Variants in BMP6 observed in about 807,000 individuals in gnomAD.
BMP6 encodes the protein bone morphogenetic protein 6.
A neutral mutation model predicts 54.1 loss-of-function variants in BMP6; 17 were observed. The ratio of observed to expected loss-of-function variants is 0.31; its 90% CI spans 0.22 to 0.47. BMP6 has a LOEUF of 0.47. Ranked by LOEUF, BMP6 falls within the 20% of genes least tolerant of loss-of-function variation. BMP6 has a pLI of 1.00. For synonymous variants in BMP6, 328 were observed against 291.2 expected, an observed-to-expected ratio of 1.13 and a Z score of -1.28; for missense variants, 720 against 690.4, an observed-to-expected ratio of 1.04 and a Z score of -0.48.
intron 1 of BMP6, among the ~76,000 whole-genome samples, chr6:7,749,592 G>A (rs1378945743): frequency 6.6e-6 from 1 of 152,116 alleles, no homozygotes; most frequent in Non-Finnish European, 1.5e-5. Flanking sequence ...TATCTCTATG[G>A]TCATGCCTTT....
chr6:7,768,961 G>A (rs1037002346), intron 1 of BMP6, among the ~76,000 whole-genome samples: 2 of 152,094 alleles, frequency 1.3e-5, no homozygotes, highest in Non-Finnish European at 2.9e-5. Flanking sequence ...ACCAATTGCT[G>A]TTACTTCCAG....
chr6:7,813,586 T>G (rs1323050347), intron 1 of BMP6, among the ~76,000 whole-genome samples: 5 of 130,228 alleles, frequency 3.8e-5, no homozygotes, highest in Non-Finnish European at 6.1e-5. Context: ...AAGGGTCCAG[T>G]GAGCTGTGAT....
At chr6:7,835,146 G>A (rs977686433) in intron 1 of BMP6, among the ~76,000 whole-genome samples, 3 of 149,856 alleles carry the variant, frequency 2.0e-5, no homozygotes, top group Non-Finnish European at 3.0e-5. Context: ...TTTTTGAGAC[G>A]GAGTCTTGCT....
chr6:7,878,293 T>C (rs1409531974), intron 4 of BMP6, among the ~76,000 whole-genome samples: 1 of 152,226 alleles, frequency 6.6e-6, no homozygotes, highest in Non-Finnish European at 1.5e-5. Context: ...TTACCGTCTA[T>C]TGGCCGTGGT....
In BMP6 at chr6:7,789,536, C is replaced by T. The variant is rs114308059; in HGVS notation, c.665-55604C>T. ...GGAAAGAAGAATGAGACCCATGAGA[C>T]GGTAATTCACATGAATCATTGATGT... On this transcript the variant is annotated intron_variant, in intron 1 of 6. Coordinates refer to ENST00000283147, the MANE Select transcript of BMP6 (RefSeq NM_001718.6). Among the ~76,000 whole-genome samples, 200 of 152,164 alleles carry T rather than the reference C, an allele frequency of 1.3e-3. 3 individuals carry two copies. Among genetic ancestry groups the T allele is most frequent in the African/African-American group, 4.5e-3 (186 of 41,530 alleles).
intron 1 of BMP6, among the ~76,000 whole-genome samples, chr6:7,810,949 C>T (rs1758427127): frequency 6.6e-6 from 1 of 152,186 alleles, no homozygotes. Flanking sequence ...CACAGCCATA[C>T]TTTGAAGCCT....
chr6:7,842,074 T>C (rs267191), intron 1 of BMP6, among the ~76,000 whole-genome samples: 79,482 of 151,942 alleles, frequency 0.52, 21,506 homozygotes, highest in East Asian at 0.77. Context: ...GACTTCCCTT[T>C]TCTCTCCTCC....
chr6:7,798,354 C>A (rs1341342854), intron 1 of BMP6, among the ~76,000 whole-genome samples: 2 of 152,204 alleles, frequency 1.3e-5, no homozygotes, highest in Non-Finnish European at 2.9e-5. Context: ...GGACCACTTT[C>A]CTCACCTTAC....
intron 1 of BMP6, among the ~76,000 whole-genome samples, chr6:7,795,530 A>G (rs1219121853): frequency 1.3e-5 from 2 of 152,202 alleles, no homozygotes; most frequent in African/African-American, 4.8e-5. Context: ...TTTGTCATGA[A>G]GCCACTTAGA....
intron 1 of BMP6, among the ~76,000 whole-genome samples, chr6:7,822,827 C>T (rs1474633290): frequency 6.6e-6 from 1 of 151,696 alleles, no homozygotes; most frequent in African/African-American, 2.4e-5. Context: ...GATCTTAAGC[C>T]ATAGCAACTA....
intron 3 of BMP6, among the ~76,000 whole-genome samples, chr6:7,862,033 C>T (rs770741642): frequency 3.9e-5 from 6 of 152,208 alleles, no homozygotes; most frequent in Non-Finnish European, 7.3e-5. Flanking sequence ...AGGGTAACTG[C>T]AGATTCATAA....
In BMP6 at chr6:7,881,416, TCTA is replaced by T. The variant is rs543264791; in HGVS notation, c.*1075_*1077del. 5.3e-4 allele frequency: 81 copies of T among 152,780 alleles called. No homozygotes were observed. Among genetic ancestry groups the T allele is most frequent in the African/African-American group, 1.6e-3 (68 of 41,568 alleles). 9.5% of individuals were successfully genotyped at this position (152,780 alleles called of 1,614,324 possible). A position where few individuals can be genotyped will look rare whatever the true frequency, so the allele number is the denominator to read the frequency against. On this transcript the variant is annotated 3_prime_UTR_variant, in exon 7 of 7. Coordinates refer to ENST00000283147, the MANE Select transcript of BMP6 (RefSeq NM_001718.6). The stretch of plus-strand genomic sequence containing the variant: ...AACTGATTAAATAATACATTTATAA[TCTA>T]CAACTGTTTGCACTTACAGCTTTTT...
chr6:7,820,791 A>AT (rs1322540324), intron 1 of BMP6, among the ~76,000 whole-genome samples: 2 of 152,048 alleles, frequency 1.3e-5, no homozygotes, highest in East Asian at 3.9e-4. Context: ...GTAGAAGATC[A>AT]TTTTTCCATG....
At chr6:7,735,825 AATG>A (rs1761946716) in intron 1 of BMP6, among the ~76,000 whole-genome samples, 1 of 152,192 alleles carries the variant, frequency 6.6e-6, no homozygotes, top group Non-Finnish European at 1.5e-5. Flanking sequence ...ACAAATGTGT[AATG>A]ATGTTATCCA....
intron 2 of BMP6, among the ~76,000 whole-genome samples, chr6:7,859,523 G>T (rs1183832871): frequency 6.6e-6 from 1 of 151,934 alleles, no homozygotes; most frequent in Non-Finnish European, 1.5e-5. Context: ...TCTGGGACCG[G>T]GGCTACTTTC....
intron 1 of BMP6, among the ~76,000 whole-genome samples, chr6:7,836,558 G>T (rs190519848): frequency 6.6e-6 from 1 of 152,126 alleles, no homozygotes; most frequent in African/African-American, 2.4e-5. Flanking sequence ...ATGTTACTAT[G>T]GGGGGAAGCT....
At chr6:7,806,300 C>A (rs370536401) in intron 1 of BMP6, among the ~76,000 whole-genome samples, 1 of 152,214 alleles carries the variant, frequency 6.6e-6, no homozygotes, top group South Asian at 2.1e-4. Flanking sequence ...GTACCTATTG[C>A]TTCTACATGT....
rs535363781 is a variant in BMP6 at position 7,794,018 on chromosome 6, T to C, written c.665-51122T>C. On this transcript the variant is annotated intron_variant, in intron 1 of 6. Transcript: ENST00000283147. ...CCAGCACAGGATCCACAGGCCTATC[T>C]GGGAGTTCTGTTGCTCTCATTCGCA... 5.3e-5 allele frequency among the ~76,000 whole-genome samples: 8 copies of C among 152,372 alleles called. No homozygotes were observed. In the East Asian group the frequency reaches 1.5e-3, roughly 29 times the overall value.
chr6:7,793,060 T>A (rs1252637870), intron 1 of BMP6, among the ~76,000 whole-genome samples: 1 of 150,916 alleles, frequency 6.6e-6, no homozygotes, highest in Non-Finnish European at 1.5e-5. Flanking sequence ...TTCTGCCTGA[T>A]GGGAGAAACT....
Sources: allele counts gnomAD v4.1 joint callset (sites outside exome capture counted in the v4.1 genomes callset), GRCh38; gene constraint gnomAD v4.1.1; transcripts MANE v1.5; gene names NCBI Gene and HGNC (gene_info 2026-07-23, HGNC 2026-07-21).